Variants in SYT2 observed in about 807,000 individuals in gnomAD.
SYT2 encodes synaptotagmin-2.
In SYT2, 15 loss-of-function variants were observed where a neutral mutation model predicts 39.9. That is an observed-to-expected ratio of 0.38 (90% confidence interval 0.25 to 0.58). The LOEUF (loss-of-function observed/expected upper bound fraction) is 0.58, where lower values mean the gene tolerates loss of function less well. Ranked by LOEUF, SYT2 falls within the 20% of genes least tolerant of loss-of-function variation. The pLI is 0.70. For missense variants in SYT2, 389 were observed against 530.3 expected, an observed-to-expected ratio of 0.73 and a Z score of 2.62; for synonymous variants, 181 against 204.5, an observed-to-expected ratio of 0.89 and a Z score of 0.98.
intron 1 of SYT2, among the ~76,000 whole-genome samples, chr1:202,609,424 A>G (rs1259618778): frequency 8.5e-5 from 13 of 152,194 alleles, no homozygotes; most frequent in Non-Finnish European, 8.8e-5. Context: ...GGATTGCTGG[A>G]TCAAATGGTA....
intron 1 of SYT2, among the ~76,000 whole-genome samples, chr1:202,677,128 A>G (rs1400774611): frequency 6.6e-6 from 1 of 152,172 alleles, no homozygotes; most frequent in Non-Finnish European, 1.5e-5. Context: ...TGGAACTGTG[A>G]GTTGATGAAA....
At position 202,600,652 on chromosome 1, in the gene SYT2, G is replaced by A. The variant is rs565352841; in HGVS notation, c.802-178C>T. On this transcript the variant is annotated intron_variant, in intron 6 of 8. Coordinates refer to ENST00000367268, the MANE Select transcript of SYT2 (RefSeq NM_177402.5). ...CCAGCATCTGACCTTGGGTCCCCCT[G>A]ATGCAGTGCAACAAAGTCCCTGAAA... Among the ~76,000 whole-genome samples the A allele has an allele frequency of 3.9e-5, 6 of 152,348 alleles. No individual in the cohort carries two copies. In the East Asian group the frequency reaches 1.2e-3, roughly 29 times the overall value.
chr1:202,642,330 A>T (rs1206845858), intron 1 of SYT2, among the ~76,000 whole-genome samples: 2 of 152,160 alleles, frequency 1.3e-5, no homozygotes, highest in African/African-American at 2.4e-5. Flanking sequence ...AGGCTCGGGC[A>T]GGCGTGCCCA....
intron 1 of SYT2, among the ~76,000 whole-genome samples, chr1:202,661,876 G>A (rs779960298): frequency 1.3e-5 from 2 of 152,182 alleles, no homozygotes; most frequent in Non-Finnish European, 2.9e-5. Context: ...ATTAATGCAC[G>A]CATTTACCCA....
At chr1:202,639,467 A>G in intron 1 of SYT2, 3 of 982,162 alleles carry the variant, frequency 3.1e-6, no homozygotes, top group Non-Finnish European at 3.6e-6. Context: ...TAATCAAAAC[A>G]GAGGGCTGGA....
intron 1 of SYT2, among the ~76,000 whole-genome samples, chr1:202,676,240 T>C (rs1162153407): frequency 6.6e-6 from 1 of 152,062 alleles, no homozygotes; most frequent in Non-Finnish European, 1.5e-5. Context: ...ACCACATTTA[T>C]TGAACCAGGT....
chr1:202,672,772 A>AGGGGGGGAGGGGGAGAGAGAGG (rs1558456882), intron 1 of SYT2, among the ~76,000 whole-genome samples: 1 of 52,332 alleles, frequency 1.9e-5, no homozygotes, highest in Non-Finnish European at 3.8e-5. Context: ...TGAGAGAGGG[A>AGGGGGGGAGGGGGAGAGAGAGG]GGGAGGGAGA....
rs776679635 is a variant in SYT2, at chr1:202,604,687, T to C, written c.179-66A>G. The stretch of plus-strand genomic sequence containing the variant: ...CCTTGCAGCCCCTGACCCCGTAGCA[T>C]TGGGAAAAATGGGTGAGGAATATGA... On this transcript the variant is annotated intron_variant, in intron 2 of 8. Transcript: ENST00000367268. 5 of 1,507,360 alleles carry C rather than the reference T, an allele frequency of 3.3e-6. No homozygotes were observed. The African/African-American group carries it at 4.2e-5, about 13-fold the overall frequency. 93.4% of individuals were successfully genotyped at this position (1,507,360 alleles called of 1,614,324 possible). A position where few individuals can be genotyped will look rare whatever the true frequency, so the allele number is the denominator to read the frequency against.
Position 202,602,453 on chromosome 1 carries a change from G to T in SYT2, c.558C>A (p.Asp186Glu). The T allele has an allele frequency of 6.2e-7, 1 of 1,614,146 alleles. No homozygotes were observed. The highest frequency in any genetic ancestry group is 1.1e-5 in the South Asian group (1 of 91,080). ...CTTTGGTCTCATATTTCTTCTTCTT[G>T]TCAGGAAGGAGGAAGACCTTGACAT... The part of the protein sequence containing the change: ...DPYVKVFLLP[D>E]KKKKYETKVH... The change falls in exon 5 of 9, where the codon GAC (aspartate) becomes GAA (glutamate). Residue 186 changes from aspartate to glutamate, a missense_variant. Around this residue, in one of 4 missense-constraint regions of SYT2, gnomAD observed 280 missense variants for 335.6 expected, o/e 0.83. Transcript: ENST00000367268.
chr1:202,640,960 GTATTAT>G (rs890225295), intron 1 of SYT2, among the ~76,000 whole-genome samples: 3 of 152,090 alleles, frequency 2.0e-5, no homozygotes, highest in Admixed American at 1.3e-4. Context: ...TACGCAGCTT[GTATTAT>G]TATTATTAAC....
chr1:202,607,599 C>G (rs1189356404), intron 1 of SYT2, among the ~76,000 whole-genome samples: 2 of 152,116 alleles, frequency 1.3e-5, no homozygotes, highest in African/African-American at 4.8e-5. Flanking sequence ...ACTGCTCCAG[C>G]CTTAAGTACT....
At chr1:202,610,353 C>T (rs1433193607) in intron 1 of SYT2, among the ~76,000 whole-genome samples, 1 of 152,150 alleles carries the variant, frequency 6.6e-6, no homozygotes, top group Non-Finnish European at 1.5e-5. Flanking sequence ...ATGACAAACC[C>T]ACAGCCAATA....
intron 1 of SYT2, among the ~76,000 whole-genome samples, chr1:202,709,543 T>C (rs916062861): frequency 5.9e-5 from 9 of 152,232 alleles, no homozygotes; most frequent in Non-Finnish European, 7.3e-5. Flanking sequence ...GGAGTCGGGC[T>C]GTCAGCACCC....
chr1:202,634,967 G>A (rs1691702321), intron 1 of SYT2, among the ~76,000 whole-genome samples: 2 of 152,180 alleles, frequency 1.3e-5, no homozygotes, highest in South Asian at 4.1e-4. Context: ...TGGTATGGTT[G>A]TGCAGTTCTG....
chr1:202,650,887 C>T (rs373760926), intron 1 of SYT2, among the ~76,000 whole-genome samples: 22 of 151,784 alleles, frequency 1.4e-4, no homozygotes, highest in Middle Eastern at 3.4e-3. Flanking sequence ...CAAGGAAAGG[C>T]GGGTGTTTCA....
rs1178713459 is a variant in SYT2, at chr1:202,601,809, CCT to C, written c.801+79_801+80del. 7 of 1,482,108 alleles carry C rather than the reference CCT, an allele frequency of 4.7e-6. No homozygotes were observed. The highest frequency in any genetic ancestry group is 2.3e-5 in the East Asian group (1 of 43,940). The allele number at this position is 1,482,108 out of a possible 1,614,324, so 91.8% of individuals were successfully genotyped here. A position where few individuals can be genotyped will look rare whatever the true frequency, so the allele number is the denominator to read the frequency against. The stretch of plus-strand genomic sequence containing the variant: ...CAGGTCGTCTGCCTCCAAAGCCCAC[CCT>C]GTTTCCATCATGCCAAGAGGTGGAA... On this transcript the variant is annotated intron_variant, in intron 6 of 8. Coordinates refer to ENST00000367268, the MANE Select transcript of SYT2 (RefSeq NM_177402.5). The surrounding 1 kb of genome is among the most constrained non-coding windows in gnomAD (Gnocchi z 4.0).
chr1:202,616,218 T>C (rs545009999), intron 1 of SYT2, among the ~76,000 whole-genome samples: 49 of 152,278 alleles, frequency 3.2e-4, no homozygotes, highest in African/African-American at 1.1e-3. Flanking sequence ...TCTCAAAATG[T>C]CCCAACCTTG....
intron 1 of SYT2, among the ~76,000 whole-genome samples, chr1:202,701,703 T>G (rs569717819): frequency 6.6e-6 from 1 of 152,210 alleles, no homozygotes; most frequent in Admixed American, 6.5e-5. Context: ...AGCATGGGAA[T>G]GGCAAATAAC....
At chr1:202,632,096 A>G in intron 1 of SYT2, 1 of 985,336 alleles carries the variant, frequency 1.0e-6, no homozygotes. Context: ...AACAAGACAG[A>G]AGGTGGCACC....
Sources: allele counts gnomAD v4.1 joint callset (sites outside exome capture counted in the v4.1 genomes callset), GRCh38; gene constraint gnomAD v4.1.1; regional missense constraint gnomAD v4.1.1; non-coding constraint Gnocchi (gnomAD v3.1); transcripts MANE v1.5; gene names NCBI Gene and HGNC (gene_info 2026-07-23, HGNC 2026-07-21).